Variants in MTNR1A observed in about 807,000 individuals in gnomAD.
The protein encoded by MTNR1A is melatonin receptor 1A, also known as melatonin receptor type 1A.
In MTNR1A, 7 loss-of-function variants were observed where a neutral mutation model predicts 5.5. The observed-to-expected ratio is 1.28, with a 90% CI of 0.73 to 2.40. The LOEUF is 2.40. MTNR1A is among the 30% of genes most tolerant of loss of function. MTNR1A has a pLI of 0.00. For missense variants in MTNR1A, 441 were observed against 464.4 expected (o/e 0.95, Z 0.46); for synonymous variants, 196 against 202.7 (o/e 0.97, Z 0.28).
At position 186,541,094 on chromosome 4, in the gene MTNR1A, A is replaced by G. The variant is rs138160273; in HGVS notation, c.185-6537T>C. Among the ~76,000 whole-genome samples the G allele has an allele frequency of 1.4e-4, 21 of 152,246 alleles. No homozygotes were observed. The East Asian group carries it at 3.7e-3, about 27-fold the overall frequency. On this transcript the variant is annotated intron_variant, in intron 1 of 1. Coordinates refer to ENST00000307161, the MANE Select transcript of MTNR1A (RefSeq NM_005958.4). Reference sequence around the variant, plus strand: ...GCCTCCATTCCCTCAGCATGCTCCTATGGCCTCATGAGGACGTGCCCCTGA... The same window carrying G: ...GCCTCCATTCCCTCAGCATGCTCCTGTGGCCTCATGAGGACGTGCCCCTGA...
rs761987433 is a variant in MTNR1A at position 186,533,984 on chromosome 4, G to A, written c.758C>T (p.Pro253Leu). 4 of 1,614,176 alleles carry A rather than the reference G, an allele frequency of 2.5e-6. No homozygotes were observed. Among genetic ancestry groups the A allele is most frequent in the Non-Finnish European group, 8.5e-7 (1 of 1,180,040 alleles). ...VFVLFAICWA[P>L]LNFIGLAVAS... The stretch of plus-strand genomic sequence containing the variant: ...CACGGCCAGGCCAATGAAGTTCAGA[G>A]GAGCCCAGCAAATGGCAAAAAGGAC... The change falls in exon 2 of 2, where the codon CCT becomes CTT. Residue 253 changes from proline (P) to leucine (L), a missense_variant. Pro to Leu is a moderately conservative substitution (Grantham distance 98). Transcript: ENST00000307161.
chr4:186,547,653 C>T (rs1469980493), intron 1 of MTNR1A, among the ~76,000 whole-genome samples: 1 of 152,226 alleles, frequency 6.6e-6, no homozygotes, highest in Non-Finnish European at 1.5e-5. Context: ...CACCTGTTCT[C>T]TAACTTGACT....
At chr4:186,547,930 G>A (rs1737191942) in intron 1 of MTNR1A, among the ~76,000 whole-genome samples, 1 of 152,150 alleles carries the variant, frequency 6.6e-6, no homozygotes, top group Non-Finnish European at 1.5e-5. Context: ...TCTGAGAAGG[G>A]TGGTTTAGTG....
intron 1 of MTNR1A, among the ~76,000 whole-genome samples, chr4:186,552,049 C>T (rs989262396): frequency 3.9e-5 from 6 of 152,276 alleles, no homozygotes; most frequent in Admixed American, 6.5e-5. Context: ...TGACATCTCT[C>T]GCTGATGAAT....
intron 1 of MTNR1A, among the ~76,000 whole-genome samples, chr4:186,545,337 A>G (rs941369976): frequency 1.3e-5 from 2 of 152,120 alleles, no homozygotes; most frequent in African/African-American, 4.8e-5. Flanking sequence ...CCATGCTTCC[A>G]ACCTCACTAC....
At chr4:186,551,566 G>A (rs985523954) in intron 1 of MTNR1A, among the ~76,000 whole-genome samples, 7 of 152,130 alleles carry the variant, frequency 4.6e-5, no homozygotes, top group South Asian at 4.1e-4. Context: ...TAGATGGATG[G>A]ATGGACGGAC....
At chr4:186,546,824 G>A (rs1737158789) in intron 1 of MTNR1A, among the ~76,000 whole-genome samples, 1 of 149,050 alleles carries the variant, frequency 6.7e-6, no homozygotes, top group African/African-American at 2.5e-5. Flanking sequence ...CCCTGTTCGT[G>A]GGACACACCG....
At chr4:186,547,343 C>T (rs114253782) in intron 1 of MTNR1A, among the ~76,000 whole-genome samples, 2,222 of 141,380 alleles carry the variant, frequency 0.016, 72 homozygotes, top group East Asian at 0.034. Flanking sequence ...ACACACCGTC[C>T]TCCTCACACC....
chr4:186,550,883 T>G (rs1737253983), intron 1 of MTNR1A, among the ~76,000 whole-genome samples: 1 of 152,170 alleles, frequency 6.6e-6, no homozygotes, highest in Admixed American at 6.6e-5. Flanking sequence ...TTGTAAAAAC[T>G]TAGGGTTCAT....
At chr4:186,542,593 G>A (rs1737050683) in intron 1 of MTNR1A, among the ~76,000 whole-genome samples, 1 of 152,130 alleles carries the variant, frequency 6.6e-6, no homozygotes, top group Non-Finnish European at 1.5e-5. Context: ...TGTGGCACCT[G>A]CTCTAAATCA....
At chr4:186,549,114 C>T (rs1006209190) in intron 1 of MTNR1A, among the ~76,000 whole-genome samples, 2 of 151,758 alleles carry the variant, frequency 1.3e-5, no homozygotes, top group South Asian at 2.1e-4. Context: ...GAAACAAAAT[C>T]GTGTCCTAAG....
At chr4:186,538,450 T>A in intron 1 of MTNR1A, among the ~76,000 whole-genome samples, 1 of 152,142 alleles carries the variant, frequency 6.6e-6, no homozygotes, top group Non-Finnish European at 1.5e-5. Context: ...AGCTCGGCAC[T>A]CCGAGTCTCA....
intron 1 of MTNR1A, among the ~76,000 whole-genome samples, chr4:186,538,066 G>A (rs1465745980): frequency 6.6e-6 from 1 of 152,212 alleles, no homozygotes; most frequent in Non-Finnish European, 1.5e-5. Context: ...CTTGCTGGGA[G>A]TACCTTCCTC....
intron 1 of MTNR1A, among the ~76,000 whole-genome samples, chr4:186,553,945 C>A (rs1270561642): frequency 2.6e-5 from 4 of 152,220 alleles, no homozygotes; most frequent in Non-Finnish European, 5.9e-5. Context: ...TCCCTGGGAA[C>A]AATCTGCAGC....
Position 186,533,900 on chromosome 4 carries a change from T to C in MTNR1A, c.842A>G (p.Tyr281Cys), listed in dbSNP as rs778914585. The change falls in exon 2 of 2, where the codon TAC (tyrosine) becomes TGC (cysteine). Residue 281 changes from tyrosine to cysteine, a missense_variant. Transcript: ENST00000307161. ...GCAGCTGTTGAAATACGCCATGTAG[T>C]AACTGGCCACAAACAGCCACTCTGG... ...RIPEWLFVASYYMAYFNSCLN... is the reference protein window; with the variant it reads ...RIPEWLFVASCYMAYFNSCLN... 2 of 1,614,060 alleles carry C rather than the reference T, an allele frequency of 1.2e-6. No homozygotes were observed. Among genetic ancestry groups the C allele is most frequent in the Admixed American group, 3.3e-5 (2 of 60,000 alleles).
In MTNR1A at chr4:186,547,339, C is replaced by T. The variant is rs113909894; in HGVS notation, c.184+7843G>A. On this transcript the variant is annotated intron_variant, in intron 1 of 1. Coordinates refer to ENST00000307161, the MANE Select transcript of MTNR1A (RefSeq NM_005958.4). Reference sequence around the variant, plus strand: ...ACCACACCCTGTTCGTGGGACACACCGTCCTCCTCACACCCTGTTCGTGGG... The same window carrying T: ...ACCACACCCTGTTCGTGGGACACACTGTCCTCCTCACACCCTGTTCGTGGG... Among the ~76,000 whole-genome samples the T allele has an allele frequency of 5.5e-4, 80 of 145,222 alleles. 2 individuals are homozygous for T. The highest frequency in any genetic ancestry group is 1.9e-3 in the African/African-American group (69 of 36,942).
chr4:186,546,793 G>C (rs1737157315), intron 1 of MTNR1A, among the ~76,000 whole-genome samples: 3 of 148,124 alleles, frequency 2.0e-5, no homozygotes, highest in African/African-American at 5.1e-5. Flanking sequence ...CCTGTTCATG[G>C]GACACACCGT....
At position 186,555,262 on chromosome 4, in the gene MTNR1A, A is replaced by G; in HGVS notation, c.104T>C (p.Ile35Thr). 1 of 1,562,662 alleles carries G rather than the reference A, an allele frequency of 6.4e-7. No homozygotes were observed. Among genetic ancestry groups the G allele is most frequent in the Non-Finnish European group, 8.7e-7 (1 of 1,154,752 alleles). The change falls in exon 1 of 2, where the codon ATC becomes ACC. Residue 35 changes from isoleucine (I) to threonine (T), a missense_variant. Ile to Thr is a moderately conservative substitution (Grantham distance 89). Coordinates refer to ENST00000307161, the MANE Select transcript of MTNR1A (RefSeq NM_005958.4). The surrounding 1 kb of genome is among the most constrained non-coding windows in gnomAD (Gnocchi z 4.1). ...WLASALACVL[I>T]FTIVVDILGN... is the part of the protein sequence containing the mutation. Reference sequence around the variant, plus strand: ...CAGGATGTCCACCACGATGGTGAAGATGAGGACGCAGGCCAGGGCGGACGC... The same window carrying G: ...CAGGATGTCCACCACGATGGTGAAGGTGAGGACGCAGGCCAGGGCGGACGC...
In MTNR1A at chr4:186,555,303, C is replaced by A. The variant is rs1172256068; in HGVS notation, c.63G>T (p.Ala21=). Residue 21 remains alanine, a synonymous_variant, in exon 1 of 2, where the codon GCG becomes GCT. Coordinates refer to ENST00000307161, the MANE Select transcript of MTNR1A (RefSeq NM_005958.4). The surrounding 1 kb of genome is among the most constrained non-coding windows in gnomAD (Gnocchi z 4.1). ...ASQPVLRGDG[A]RPSWLASALA... ...GGGCGGACGCCAGCCACGAGGGCCG[C>A]GCGCCGTCCCCGCGGAGCACGGGCT... is the stretch of plus-strand genomic sequence containing the variant. 2 of 1,547,808 alleles carry A rather than the reference C, an allele frequency of 1.3e-6. No individual in the cohort carries two copies. Among genetic ancestry groups the A allele is most frequent in the Non-Finnish European group, 1.7e-6 (2 of 1,146,328 alleles).
Sources: gnomAD v4.1 joint callset for allele counts (sites outside exome capture counted in the v4.1 genomes callset) on GRCh38, gnomAD v4.1.1 for gene constraint, Gnocchi (gnomAD v3.1) non-coding constraint, MANE v1.5 for transcripts, NCBI Gene and HGNC (gene_info 2026-07-23, HGNC 2026-07-21) for gene names.